The following TTC39C variants were observed in gnomAD, a reference collection of about 807,000 sequenced individuals.
TTC39C encodes the protein tetratricopeptide repeat domain 39C.
TTC39C carries 33 observed loss-of-function variants against 76.3 expected under a neutral mutation model. That is an observed-to-expected ratio of 0.43 (90% CI 0.33 to 0.58). TTC39C has a LOEUF of 0.58. TTC39C is among the 20% of genes least tolerant of loss of function. The pLI, the probability that TTC39C is intolerant of heterozygous loss-of-function variation, is 0.04. For missense variants in TTC39C, 595 were observed against 701.4 expected, an observed-to-expected ratio of 0.85 and a Z score of 1.71; for synonymous variants, 254 against 260.6, an observed-to-expected ratio of 0.97 and a Z score of 0.24.
chr18:24,126,686 T>C (rs1328712497), intron 10 of TTC39C, among the ~76,000 whole-genome samples: 3 of 152,046 alleles, frequency 2.0e-5, no homozygotes, highest in African/African-American at 7.2e-5. Context: ...TCTCATTCTG[T>C]TGCCCAGGCT....
intron 1 of TTC39C, among the ~76,000 whole-genome samples, chr18:24,045,561 CTGTATTTCTACT>C (rs2083858386): frequency 8.6e-6 from 1 of 116,804 alleles, no homozygotes; most frequent in South Asian, 2.9e-4. Flanking sequence ...TTTTCACTGT[CTGTATTTCTACT>C]CTGGAACGTA....
chr18:24,094,802 T>A (rs996460661), intron 6 of TTC39C, among the ~76,000 whole-genome samples: 1 of 152,216 alleles, frequency 6.6e-6, no homozygotes, highest in Non-Finnish European at 1.5e-5. Flanking sequence ...TTTCCATTTA[T>A]AGAACACAGG....
intron 1 of TTC39C, among the ~76,000 whole-genome samples, chr18:23,996,565 C>T (rs1460823912): frequency 2.0e-5 from 3 of 152,246 alleles, no homozygotes; most frequent in Middle Eastern, 6.8e-3. Context: ...AAATGTGGCC[C>T]AAATATCTTC....
At chr18:24,069,059 G>A (rs2084204396) in intron 3 of TTC39C, 98 bp from the exon 4 acceptor site, 8 of 1,003,896 alleles carry the variant, frequency 8.0e-6, no homozygotes, top group Admixed American at 2.0e-5. Context: ...TTCACAATTC[G>A]TATGTGAAAT....
chr18:24,105,678 C>T (rs1014815839), intron 6 of TTC39C, among the ~76,000 whole-genome samples: 1 of 152,368 alleles, frequency 6.6e-6, no homozygotes, highest in Admixed American at 6.5e-5. Context: ...GAGAAAGACA[C>T]TTCCATGCCA....
chr18:24,066,125 T>C lies in TTC39C; in HGVS notation c.330T>C (p.Asn110=), dbSNP rs8083357. The part of the protein sequence containing the change: ...EEAGVIETIK[N]KIKKNVDVRK... ...CTGGAGTAATTGAAACAATCAAGAATAAAATTAAGAAGAACGTAAGTATTG... is the reference window on the plus strand; with the variant it reads ...CTGGAGTAATTGAAACAATCAAGAACAAAATTAAGAAGAACGTAAGTATTG... Residue 110 remains asparagine, a synonymous_variant, in exon 3 of 14, where the codon AAT becomes AAC. Coordinates refer to ENST00000317571, the MANE Select transcript of TTC39C (RefSeq NM_001135993.2). 1.8e-3 allele frequency: 2,815 copies of C among 1,597,262 alleles called. 43 individuals carry two copies. The African/African-American group carries it at 0.031, about 18-fold the overall frequency.
intron 13 of TTC39C, among the ~76,000 whole-genome samples, chr18:24,132,130 C>G (rs1305291584): frequency 6.6e-6 from 1 of 152,200 alleles, no homozygotes; most frequent in Admixed American, 6.5e-5. Flanking sequence ...GTTCATCCTG[C>G]TTTAGAAACA....
At chr18:24,045,246 G>T (rs55644731) in intron 1 of TTC39C, among the ~76,000 whole-genome samples, 1,677 of 123,720 alleles carry the variant, frequency 0.014, 16 homozygotes, top group Middle Eastern at 0.02. Context: ...TCCAGCCTGG[G>T]TGACAGAGTA....
Position 24,004,789 on chromosome 18 carries a change from T to C in TTC39C, c.-17+11751T>C, listed in dbSNP as rs142888344. Among the ~76,000 whole-genome samples, 748 of 152,306 alleles carry C rather than the reference T, an allele frequency of 4.9e-3. 6 individuals are homozygous for C. Among genetic ancestry groups the C allele is most frequent in the Middle Eastern group, 0.048 (14 of 294 alleles). ...TTTCGTGCAATATTTCTCAAACATA[T>C]ACTAAGGGTAACAAATCAGGCAATG... is the stretch of plus-strand genomic sequence containing the variant. On this transcript the variant is annotated intron_variant, in intron 1 of 13. Transcript: ENST00000304621.
intron 1 of TTC39C, among the ~76,000 whole-genome samples, chr18:24,044,868 C>T (rs1599267214): frequency 6.6e-6 from 1 of 152,130 alleles, no homozygotes; most frequent in Admixed American, 6.5e-5. Context: ...ATTAACTTAC[C>T]TAACTTGTTT....
At chr18:24,012,990 T>C (rs1282909901), upstream of TTC39C, 1 of 152,218 alleles carries the variant, frequency 6.6e-6, no homozygotes, top group African/African-American at 2.4e-5. Flanking sequence ...TTCTCATGAT[T>C]GATGCCATGC....
At chr18:24,111,140 G>A (rs1347286885) in intron 6 of TTC39C, among the ~76,000 whole-genome samples, 1 of 152,028 alleles carries the variant, frequency 6.6e-6, no homozygotes, top group Non-Finnish European at 1.5e-5. Context: ...ACAGACATGT[G>A]CCACCACGCC....
At chr18:24,054,369 AG>A (rs1336057268) in intron 1 of TTC39C, among the ~76,000 whole-genome samples, 1 of 152,234 alleles carries the variant, frequency 6.6e-6, no homozygotes, top group African/African-American at 2.4e-5. Context: ...ACCGAACCAC[AG>A]GGATGTAGAA....
At chr18:24,013,691 T>G (rs887910489), upstream of TTC39C, among the ~76,000 whole-genome samples, 8 of 152,236 alleles carry the variant, frequency 5.3e-5, no homozygotes, top group Non-Finnish European at 1.0e-4. Context: ...TAATCTTGAT[T>G]GCAACACTAC....
At chr18:24,037,230 A>G (rs1186193726) in intron 1 of TTC39C, among the ~76,000 whole-genome samples, 4 of 152,188 alleles carry the variant, frequency 2.6e-5, no homozygotes, top group African/African-American at 9.7e-5. Context: ...ATTTATTATT[A>G]AGATCAGTTT....
At chr18:24,057,463 TC>T (rs1476639156) in intron 1 of TTC39C, among the ~76,000 whole-genome samples, 2 of 152,198 alleles carry the variant, frequency 1.3e-5, no homozygotes, top group African/African-American at 4.8e-5. Flanking sequence ...TCCTTTGGGC[TC>T]CTTCTTAAAT....
chr18:24,072,144 A>G (rs571406089), intron 4 of TTC39C, among the ~76,000 whole-genome samples: 9 of 145,324 alleles, frequency 6.2e-5, no homozygotes, highest in East Asian at 4.0e-4. Context: ...TTTCTTGGGG[A>G]AAAAAAAAAA....
rs2084369586 is a variant in TTC39C at position 24,081,024 on chromosome 18, C to A, written c.815+85C>A. The A allele has an allele frequency of 4.7e-6, 6 of 1,280,202 alleles. No homozygotes were observed. The South Asian group carries it at 9.3e-5, about 20-fold the overall frequency. The allele number at this position is 1,280,202 out of a possible 1,614,324, so 79.3% of individuals were successfully genotyped here. A position where few individuals can be genotyped will look rare whatever the true frequency, so the allele number is the denominator to read the frequency against. On this transcript the variant is annotated intron_variant, in intron 5 of 13. Transcript: ENST00000317571. Reference sequence around the variant, plus strand: ...CAATCAAAGACTTTAAAGGAAACTTCAGGTAAAATGTTTGGTTGGTTGACA... The same window carrying A: ...CAATCAAAGACTTTAAAGGAAACTTAAGGTAAAATGTTTGGTTGGTTGACA...
intron 1 of TTC39C, among the ~76,000 whole-genome samples, chr18:24,061,843 G>A (rs1414119903): frequency 6.6e-6 from 1 of 152,212 alleles, no homozygotes; most frequent in Non-Finnish European, 1.5e-5. Context: ...GGCGGATGTT[G>A]CAGTGAGCCA....
Sources: allele counts gnomAD v4.1 joint callset (sites outside exome capture counted in the v4.1 genomes callset), GRCh38; gene constraint gnomAD v4.1.1; transcripts MANE v1.5; gene names NCBI Gene and HGNC (gene_info 2026-07-23, HGNC 2026-07-21).